The following PDE9A variants were observed in gnomAD, a reference collection of about 807,000 sequenced individuals.
The protein encoded by PDE9A is phosphodiesterase 9A.
PDE9A carries 60 observed loss-of-function variants against 87.4 expected under a neutral mutation model. That is an observed-to-expected ratio of 0.69 (90% confidence interval 0.56 to 0.85). The LOEUF is 0.85. Ranked by LOEUF, PDE9A falls within the 40% of genes least tolerant of loss-of-function variation. The pLI, the probability that PDE9A is intolerant of heterozygous loss-of-function variation, is 0.00. For missense variants in PDE9A, 665 were observed against 779.0 expected (o/e 0.85, Z 1.74); for synonymous variants, 272 against 279.4 (o/e 0.97, Z 0.27).
At chr21:42,744,050 T>C (rs959628834) in intron 8 of PDE9A, among the ~76,000 whole-genome samples, 190 bp downstream of exon 8, 2 of 152,146 alleles carry the variant, frequency 1.3e-5, no homozygotes, top group African/African-American at 4.8e-5. Flanking sequence ...GTGACTTTCT[T>C]CTAACAAAAG....
intron 19 of PDE9A, 140 bp downstream of exon 19, chr21:42,772,660 T>G: frequency 1.6e-6 from 1 of 622,426 alleles, no homozygotes; most frequent in Non-Finnish European, 2.8e-6. Context: ...TGAAACTAAG[T>G]CTCGCTCTTG....
rs558357025 is a variant in PDE9A at position 42,702,744 on chromosome 21, C to G, written c.262+3733C>G. On this transcript the variant is annotated intron_variant, in intron 4 of 19. Coordinates refer to ENST00000291539, the MANE Select transcript of PDE9A (RefSeq NM_002606.3). This position sits in a 1 kb window ranked among gnomAD's most constrained non-coding sequence, Gnocchi z 4.9. ...CTAAGACTTGATCCCTTTGGGGTCT[C>G]CCCCAAACTCCTGGCTGATCACCAA... is the stretch of plus-strand genomic sequence containing the variant. 1.9e-3 allele frequency among the ~76,000 whole-genome samples: 295 copies of G among 152,330 alleles called. No individual in the cohort carries two copies. Among genetic ancestry groups the G allele is most frequent in the African/African-American group, 6.8e-3 (284 of 41,568 alleles).
intron 4 of PDE9A, among the ~76,000 whole-genome samples, chr21:42,709,765 C>G (rs1335847763): frequency 6.6e-6 from 1 of 152,148 alleles, no homozygotes; most frequent in East Asian, 1.9e-4. Context: ...CTCACTGCAG[C>G]CTCGACCTCC....
Position 42,696,943 on chromosome 21 carries a change from G to A in PDE9A, c.219-2025G>A, listed in dbSNP as rs916240919. On this transcript the variant is annotated intron_variant, in intron 3 of 19. Transcript: ENST00000291539. This position sits in a 1 kb window ranked among gnomAD's most constrained non-coding sequence, Gnocchi z 5.1. Reference sequence around the variant, plus strand: ...CTTAGGGCCACGCTTCAAGCCCAGTGCCTCTTATGACCAAGTCTCTGGGGA... The same window carrying A: ...CTTAGGGCCACGCTTCAAGCCCAGTACCTCTTATGACCAAGTCTCTGGGGA... Among the ~76,000 whole-genome samples the A allele has an allele frequency of 6.6e-5, 10 of 152,356 alleles. No individual in the cohort carries two copies. The highest frequency in any genetic ancestry group is 5.8e-4 in the East Asian group (3 of 5,176).
At chr21:42,670,224 T>TTTAC (rs1270259181) in intron 1 of PDE9A, among the ~76,000 whole-genome samples, 3 of 92,686 alleles carry the variant, frequency 3.2e-5, no homozygotes, top group Non-Finnish European at 5.9e-5. Context: ...TTCACACACA[T>TTTAC]ACACTTACAT....
intron 4 of PDE9A, among the ~76,000 whole-genome samples, chr21:42,729,576 C>G (rs967864198): frequency 6.6e-6 from 1 of 152,136 alleles, no homozygotes; most frequent in Non-Finnish European, 1.5e-5. Context: ...CCTGGGTGCT[C>G]ATGGTGGGAT....
rs1396808418 is a variant in PDE9A, at chr21:42,762,194, C to T, written c.1197C>T (p.Asn399=). The T allele has an allele frequency of 3.1e-6, 5 of 1,614,072 alleles. No homozygotes were observed. The highest frequency in any genetic ancestry group is 1.1e-5 in the South Asian group (1 of 91,088). ...AGATCCTCGCCGAGCCTGAGTGCAA[C>T]ATCTTCTCCAACATCCCACCTGATG... is the stretch of plus-strand genomic sequence containing the variant. ...AFQILAEPEC[N]IFSNIPPDGF... Residue 399 remains asparagine, a synonymous_variant, in exon 14 of 20, where the codon AAC becomes AAT. Transcript: ENST00000291539.
At chr21:42,756,063 G>T (rs2269162) in intron 10 of PDE9A, among the ~76,000 whole-genome samples, 2 of 152,116 alleles carry the variant, frequency 1.3e-5, no homozygotes, top group Admixed American at 1.3e-4. Context: ...GCTGCTCTCG[G>T]GGCTGGCAGG....
chr21:42,697,435 C>A, intron 3 of PDE9A: 1 of 1,611,214 alleles, frequency 6.2e-7, no homozygotes, highest in Non-Finnish European at 8.5e-7. Context: ...ATTCTCTATA[C>A]ATCACTCCGT....
At chr21:42,746,391 G>C (rs555293344) in intron 8 of PDE9A, among the ~76,000 whole-genome samples, 2 of 152,208 alleles carry the variant, frequency 1.3e-5, no homozygotes, top group Non-Finnish European at 2.9e-5. Flanking sequence ...AGCAGGCCCT[G>C]CCACCTCTGA....
chr21:42,765,671 C>G, intron 15 of PDE9A, 177 bp downstream of exon 15: 1 of 621,032 alleles, frequency 1.6e-6, no homozygotes, highest in South Asian at 1.8e-5. Context: ...GGCAGGGCCT[C>G]CCTCCTGATG....
intron 7 of PDE9A, among the ~76,000 whole-genome samples, chr21:42,738,434 G>A (rs562736624): frequency 4.7e-4 from 72 of 152,292 alleles, no homozygotes; most frequent in African/African-American, 1.7e-3. Context: ...CCGGCCTCTT[G>A]CTGGAGCACA....
rs71320552 is a variant in PDE9A, at chr21:42,722,999, G to C, written c.263-8771G>C. 0.047 allele frequency among the ~76,000 whole-genome samples: 7,117 copies of C among 152,314 alleles called. 306 individuals carry two copies. The highest frequency in any genetic ancestry group is 0.11 in the African/African-American group (4,438 of 41,560). On this transcript the variant is annotated intron_variant, in intron 4 of 19. Transcript: ENST00000291539. This position sits in a 1 kb window ranked among gnomAD's most constrained non-coding sequence, Gnocchi z 4.1. ...TGGCTTCTGGGCATCGTGTGGGGTG[G>C]GGGCAGCCCCTGCCCTGGACACCCG...
intron 8 of PDE9A, among the ~76,000 whole-genome samples, chr21:42,748,293 G>A (rs949442238): frequency 5.3e-5 from 8 of 152,220 alleles, no homozygotes; most frequent in African/African-American, 1.9e-4. Context: ...GGATGACAAT[G>A]GAAATCATTT....
At chr21:42,757,473 T>C (rs2055196541) in intron 10 of PDE9A, 1 of 152,232 alleles carries the variant, frequency 6.6e-6, no homozygotes, top group South Asian at 2.1e-4. Flanking sequence ...AAATGGATTT[T>C]TGGGCAGCAC....
chr21:42,670,787 A>G (rs1245082702), intron 1 of PDE9A, among the ~76,000 whole-genome samples: 1 of 152,074 alleles, frequency 6.6e-6, no homozygotes, highest in Non-Finnish European at 1.5e-5. Flanking sequence ...TGACACACAT[A>G]TACATACATT....
At chr21:42,735,190 T>C (rs960389829) in intron 7 of PDE9A, among the ~76,000 whole-genome samples, 1 of 152,198 alleles carries the variant, frequency 6.6e-6, no homozygotes, top group African/African-American at 2.4e-5. Flanking sequence ...TGCTGCCGTC[T>C]CTGAGCCCCA....
At chr21:42,773,764 G>GCAGT (rs1569288368) in intron 19 of PDE9A, among the ~76,000 whole-genome samples, 1 of 151,236 alleles carries the variant, frequency 6.6e-6, no homozygotes, top group Non-Finnish European at 1.5e-5. Context: ...TCGCGCCACT[G>GCAGT]CACTCCAGCC....
Position 42,692,255 on chromosome 21 carries a change from TC to T in PDE9A, c.218+4262del, listed in dbSNP as rs1333713746. 6.6e-6 allele frequency among the ~76,000 whole-genome samples: 1 copy of T among 152,106 alleles called. No individual in the cohort carries two copies. Among genetic ancestry groups the T allele is most frequent in the Non-Finnish European group, 1.5e-5 (1 of 68,016 alleles). ...CTCTGCACTGCCCAGAGCAGTTTTT[TC>T]TTCTGGGGACGCAGGGCAACGTCTG... On this transcript the variant is annotated intron_variant, in intron 3 of 19. Coordinates refer to ENST00000291539, the MANE Select transcript of PDE9A (RefSeq NM_002606.3). This position sits in a 1 kb window ranked among gnomAD's most constrained non-coding sequence, Gnocchi z 4.3.
Sources: gnomAD v4.1 joint callset for allele counts (sites outside exome capture counted in the v4.1 genomes callset) on GRCh38, gnomAD v4.1.1 for gene constraint, Gnocchi (gnomAD v3.1) non-coding constraint, MANE v1.5 for transcripts, NCBI Gene and HGNC (gene_info 2026-07-23, HGNC 2026-07-21) for gene names.